The following SSH2 variants were observed in gnomAD, a reference collection of about 807,000 sequenced individuals.
The protein encoded by SSH2 is slingshot protein phosphatase 2.
SSH2 carries 37 observed loss-of-function variants against 135.2 expected under a neutral mutation model. That is an observed-to-expected ratio of 0.27 (90% CI 0.21 to 0.36). The LOEUF (loss-of-function observed/expected upper bound fraction) is 0.36, where lower values mean the gene tolerates loss of function less well. Among genes scored for constraint, SSH2 ranks in the 10% least tolerant of loss-of-function variants. The probability of loss-of-function intolerance (pLI) is 1.00; values close to 1 mark genes in which losing one functional copy is unlikely to be tolerated. For synonymous variants in SSH2, 628 were observed against 646.2 expected (o/e 0.97, Z 0.43); for missense variants, 1,408 against 1,765.3 (o/e 0.80, Z 3.63).
At chr17:29,779,798 G>A (rs1219320315) in intron 3 of SSH2, among the ~76,000 whole-genome samples, 3 of 91,954 alleles carry the variant, frequency 3.3e-5, no homozygotes, top group African/African-American at 4.3e-5. Context: ...GCGACAGAGT[G>A]AGACTCTGTC....
chr17:29,760,016 TG>T (rs2041239786), intron 3 of SSH2, among the ~76,000 whole-genome samples: 1 of 152,226 alleles, frequency 6.6e-6, no homozygotes, highest in African/African-American at 2.4e-5. Context: ...ACAACTTTTG[TG>T]ACTTTTTTTC....
intron 3 of SSH2, among the ~76,000 whole-genome samples, chr17:29,784,134 C>G (rs573089742): frequency 1.4e-5 from 2 of 146,370 alleles, no homozygotes; most frequent in Non-Finnish European, 3.0e-5. Context: ...TGCCTGCAAT[C>G]CTGGCACTTT....
At chr17:29,881,680 T>G (rs2066140281) in intron 1 of SSH2, among the ~76,000 whole-genome samples, 1 of 151,960 alleles carries the variant, frequency 6.6e-6, no homozygotes, top group African/African-American at 2.4e-5. Flanking sequence ...TTTTGTATTT[T>G]TAGTAGAGAT....
chr17:29,820,825 A>G (rs969513905), intron 2 of SSH2, among the ~76,000 whole-genome samples: 3 of 152,208 alleles, frequency 2.0e-5, no homozygotes, highest in Admixed American at 6.5e-5. Context: ...AGAAATAAAA[A>G]TTCCAATACA....
intron 6 of SSH2, among the ~76,000 whole-genome samples, chr17:29,683,230 A>C (rs529672227): frequency 3.7e-4 from 57 of 152,298 alleles, no homozygotes; most frequent in African/African-American, 1.3e-3. Flanking sequence ...CTAATTATCC[A>C]CAGCGTAAAG....
intron 2 of SSH2, among the ~76,000 whole-genome samples, chr17:29,800,389 G>A (rs1191732232): frequency 6.6e-6 from 1 of 152,126 alleles, no homozygotes; most frequent in African/African-American, 2.4e-5. Flanking sequence ...CAGTTATCTT[G>A]AACAATAGCA....
Position 29,636,544 on chromosome 17 carries a change from C to G in SSH2, c.1686G>C (p.Arg562Ser), listed in dbSNP as rs1395490394. The G allele has an allele frequency of 6.2e-7, 1 of 1,614,082 alleles. No individual in the cohort carries two copies. Among genetic ancestry groups the G allele is most frequent in the East Asian group, 2.2e-5 (1 of 44,880 alleles). Residue 562 changes from arginine (R) to serine (S), a missense_variant, in exon 15 of 16, where the codon AGG becomes AGC. Arg to Ser is a moderately radical substitution (Grantham distance 110). Coordinates refer to ENST00000540801, the MANE Select transcript of SSH2 (RefSeq NM_001282129.2). ...CCTCAATCTGTCCAGCATGAAATTC[C>G]CTAGAAGTAAACTCCAAGCAGATCA... ...ERMICLEFTS[R>S]EFHAGQIEDE... is the part of the protein sequence containing the mutation.
In SSH2 at chr17:29,929,876, G is replaced by A. The variant is rs998064955; in HGVS notation, c.63+62C>T. On this transcript the variant is annotated intron_variant, in intron 1 of 15. Transcript: ENST00000540801. ...TGCGCAGTGGCGTTCGGCGGGACCC[G>A]CTGAGGCAAAGCGGAGCCGCAGTGA... The A allele has an allele frequency of 9.4e-6, 14 of 1,481,508 alleles. No homozygotes were observed. In the African/African-American group the frequency reaches 1.8e-4, roughly 19 times the overall value. The allele number at this position is 1,481,508 out of a possible 1,614,324, so 91.8% of individuals were successfully genotyped here.
At chr17:29,842,259 G>C (rs1599075725) in intron 2 of SSH2, among the ~76,000 whole-genome samples, 2 of 151,854 alleles carry the variant, frequency 1.3e-5, no homozygotes, top group East Asian at 3.9e-4. Context: ...TTCAAGACCA[G>C]CCTGGCTAAC....
intron 2 of SSH2, among the ~76,000 whole-genome samples, chr17:29,828,216 T>G (rs973834508): frequency 5.3e-5 from 8 of 152,244 alleles, no homozygotes; most frequent in Admixed American, 1.3e-4. Flanking sequence ...TGAACTCTCA[T>G]TGACTACACA....
chr17:29,760,029 A>AT (rs1360634180), intron 3 of SSH2, among the ~76,000 whole-genome samples: 2 of 152,014 alleles, frequency 1.3e-5, no homozygotes, highest in East Asian at 3.9e-4. Flanking sequence ...CTTTTTTTCT[A>AT]TTTTTTTAGA....
chr17:29,824,608 C>T (rs554221956), intron 2 of SSH2, among the ~76,000 whole-genome samples: 144 of 152,186 alleles, frequency 9.5e-4, no homozygotes, highest in African/African-American at 3.4e-3. Flanking sequence ...TGGTCAGTTT[C>T]CCTTGAGGTA....
rs78723856 is a variant in SSH2 at position 29,702,685 on chromosome 17, A to G, written c.292+274T>C. Reference sequence around the variant, plus strand: ...AACAAAACAAAACAAAACAACCCCAATCTTAACTGAGAAGTTCCATATAAC... The same window carrying G: ...AACAAAACAAAACAAAACAACCCCAGTCTTAACTGAGAAGTTCCATATAAC... On this transcript the variant is annotated intron_variant, in intron 4 of 15. Coordinates refer to ENST00000540801, the MANE Select transcript of SSH2 (RefSeq NM_001282129.2). Among the ~76,000 whole-genome samples, 819 of 152,146 alleles carry G rather than the reference A, an allele frequency of 5.4e-3. 8 individuals carry two copies. Among genetic ancestry groups the G allele is most frequent in the African/African-American group, 0.019 (775 of 41,508 alleles).
At chr17:29,833,678 T>TC (rs2042889032) in intron 2 of SSH2, among the ~76,000 whole-genome samples, 1 of 135,732 alleles carries the variant, frequency 7.4e-6, no homozygotes, top group Non-Finnish European at 1.6e-5. Flanking sequence ...CTTCTTTCCT[T>TC]CCTCCCTCCC....
chr17:29,822,271 T>C (rs1415578302), intron 2 of SSH2, among the ~76,000 whole-genome samples: 1 of 152,204 alleles, frequency 6.6e-6, no homozygotes, highest in Admixed American at 6.5e-5. Context: ...AAGCAAATTT[T>C]AAGATATGAA....
At chr17:29,844,598 G>A (rs2043099663) in intron 2 of SSH2, among the ~76,000 whole-genome samples, 1 of 152,206 alleles carries the variant, frequency 6.6e-6, no homozygotes, top group Admixed American at 6.5e-5. Flanking sequence ...AAGCCAAGGT[G>A]AAACTCCTGC....
intron 1 of SSH2, among the ~76,000 whole-genome samples, chr17:29,913,348 ATATATATATATATATATATAT>A (rs1446666781): frequency 9.5e-4 from 13 of 13,696 alleles, no homozygotes; most frequent in African/African-American, 2.9e-3. Flanking sequence ...AAAAAAAAAA[ATATATATATATATATATATAT>A]ATATATATAT....
At chr17:29,656,411 C>T (rs774289257) in intron 11 of SSH2, among the ~76,000 whole-genome samples, 2 of 151,942 alleles carry the variant, frequency 1.3e-5, no homozygotes, top group East Asian at 1.9e-4. Context: ...CTCCTGACCT[C>T]GTGATCCACC....
chr17:29,643,652 C>G (rs1320353259), intron 14 of SSH2, among the ~76,000 whole-genome samples: 1 of 152,116 alleles, frequency 6.6e-6, no homozygotes, highest in Admixed American at 6.5e-5. Context: ...TACCACCATG[C>G]CTGGCTAATT....
Sources: allele counts gnomAD v4.1 joint callset (sites outside exome capture counted in the v4.1 genomes callset), GRCh38; gene constraint gnomAD v4.1.1; transcripts MANE v1.5; gene names NCBI Gene and HGNC (gene_info 2026-07-23, HGNC 2026-07-21).